The following CLEC4A variants were observed in gnomAD, a reference collection of about 807,000 sequenced individuals.
CLEC4A encodes C-type lectin domain family 4 member A, also known as C-type (calcium dependent, carbohydrate-recognition domain) lectin, superfamily member 6.
In CLEC4A, 27 loss-of-function variants were observed where a neutral mutation model predicts 32.7. That is an observed-to-expected ratio of 0.83 (90% CI 0.61 to 1.14). The LOEUF (loss-of-function observed/expected upper bound fraction) is 1.14. Among genes scored for constraint, CLEC4A ranks in the 50% most tolerant of loss-of-function variants. The probability of loss-of-function intolerance (pLI) is 0.00; values close to 1 mark genes in which losing one functional copy is unlikely to be tolerated. For synonymous variants in CLEC4A, 89 were observed against 93.7 expected (o/e 0.95, Z 0.29); for missense variants, 253 against 274.6 (o/e 0.92, Z 0.55).
the CLEC4A span, among the ~76,000 whole-genome samples, chr12:8,110,240 T>G: frequency 6.6e-6 from 1 of 151,986 alleles, no homozygotes; most frequent in Non-Finnish European, 1.5e-5. Context: ...ATTCTTACCC[T>G]CTGGGGTGAA....
the CLEC4A span, among the ~76,000 whole-genome samples, chr12:8,108,970 T>C: frequency 6.6e-6 from 1 of 152,250 alleles, no homozygotes; most frequent in African/African-American, 2.4e-5. Context: ...CAGTGCTGCA[T>C]CTGGCTGCAT....
chr12:8,126,148 T>C (rs1024329149), intron 2 of CLEC4A, among the ~76,000 whole-genome samples: 55 of 152,328 alleles, frequency 3.6e-4, no homozygotes, highest in African/African-American at 1.0e-3. Context: ...TGCTCAAGAC[T>C]GTGTGGGATC....
At chr12:8,135,503 C>A in intron 3 of CLEC4A, 82 bp from the exon 4 acceptor site, 1 of 1,455,944 alleles carries the variant, frequency 6.9e-7, no homozygotes. Context: ...TGTGCTCTCT[C>A]TTGGCTCTTA....
chr12:8,104,091 C>T, the CLEC4A span, among the ~76,000 whole-genome samples: 2 of 151,984 alleles, frequency 1.3e-5, no homozygotes, highest in Non-Finnish European at 2.9e-5. Flanking sequence ...GTATTTTACT[C>T]ATTTTCATTT....
Position 8,123,927 on chromosome 12 carries a change from A to C in CLEC4A, c.49A>C (p.Lys17Gln). ...YAEVRFKNEF[K>Q]SSGINTASSA... Reference sequence around the variant, plus strand: ...TGAAGTGAGGTTCAAAAATGAATTCAAGTCCTCAGGCATCAACACAGCCTC... The same window carrying C: ...TGAAGTGAGGTTCAAAAATGAATTCCAGTCCTCAGGCATCAACACAGCCTC... The change falls in exon 1 of 6, where the codon AAG becomes CAG. Residue 17 changes from lysine (K) to glutamine (Q), a missense_variant. By Grantham distance (53) the Lys-to-Gln change is moderately conservative. Coordinates refer to ENST00000229332, the MANE Select transcript of CLEC4A (RefSeq NM_016184.4). 6.2e-7 allele frequency: 1 copy of C among 1,613,168 alleles called. No homozygotes were observed. Among genetic ancestry groups the C allele is most frequent in the Non-Finnish European group, 8.5e-7 (1 of 1,179,082 alleles).
Position 8,134,599 on chromosome 12 carries a change from C to T in CLEC4A, c.299-986C>T, listed in dbSNP as rs750665005. On this transcript the variant is annotated intron_variant, in intron 3 of 5. Transcript: ENST00000229332. ...GAGGTCTCCAAGCCGTCTTGGGGCACTAGCCCCACTCCAGTCTGAGGCCCA... is the reference window on the plus strand; with the variant it reads ...GAGGTCTCCAAGCCGTCTTGGGGCATTAGCCCCACTCCAGTCTGAGGCCCA... The T allele has an allele frequency of 5.6e-6, 9 of 1,612,524 alleles. No homozygotes were observed. In the Admixed American group the frequency reaches 8.3e-5, roughly 15 times the overall value.
the CLEC4A span, among the ~76,000 whole-genome samples, chr12:8,115,887 C>G: frequency 7.2e-5 from 11 of 152,028 alleles, no homozygotes; most frequent in Admixed American, 5.2e-4. Flanking sequence ...CTCCTGGGCT[C>G]AAGTGATCCT....
At chr12:8,105,229 C>T in the CLEC4A span, among the ~76,000 whole-genome samples, 1 of 152,146 alleles carries the variant, frequency 6.6e-6, no homozygotes, top group Admixed American at 6.5e-5. Flanking sequence ...CCTGCAGCCT[C>T]ATCAACAGCT....
chr12:8,103,886 G>A, the CLEC4A span, among the ~76,000 whole-genome samples: 14 of 152,270 alleles, frequency 9.2e-5, 1 homozygote, highest in Admixed American at 9.2e-4. Flanking sequence ...AAGGGGTGGG[G>A]AGTGTTGCTG....
the CLEC4A span, among the ~76,000 whole-genome samples, chr12:8,115,851 C>T: frequency 6.6e-6 from 1 of 151,954 alleles, no homozygotes; most frequent in South Asian, 2.1e-4. Flanking sequence ...TGCAGTGACA[C>T]GATCACAACT....
chr12:8,105,498 T>C, the CLEC4A span, among the ~76,000 whole-genome samples: 2 of 152,152 alleles, frequency 1.3e-5, no homozygotes, highest in East Asian at 3.9e-4. Context: ...TACAGGTGTG[T>C]GCCACCACGG....
intron 3 of CLEC4A, chr12:8,133,902 G>A: frequency 2.5e-6 from 4 of 1,598,188 alleles, no homozygotes; most frequent in Non-Finnish European, 3.4e-6. Flanking sequence ...CCAAAATGGG[G>A]CCCTGGGGCC....
chr12:8,118,408 A>C, the CLEC4A span, among the ~76,000 whole-genome samples: 1 of 138,700 alleles, frequency 7.2e-6, no homozygotes, highest in African/African-American at 2.5e-5. Flanking sequence ...AAAAAAAAAA[A>C]ACCTGAGACT....
the CLEC4A span, among the ~76,000 whole-genome samples, chr12:8,113,999 A>G: frequency 8.5e-5 from 13 of 152,128 alleles, no homozygotes; most frequent in African/African-American, 3.1e-4. Flanking sequence ...GGGCATTCGT[A>G]CTTGTAATGT....
chr12:8,110,027 A>G, the CLEC4A span, among the ~76,000 whole-genome samples: 1 of 152,194 alleles, frequency 6.6e-6, no homozygotes, highest in African/African-American at 2.4e-5. Context: ...TTAAATTCTT[A>G]TTCTGTCTTT....
In CLEC4A at chr12:8,136,812, G is replaced by T. The variant is rs1468752685; in HGVS notation, c.475G>T (p.Glu159Ter). The T allele has an allele frequency of 6.2e-7, 1 of 1,612,838 alleles. No homozygotes were observed. Among genetic ancestry groups the T allele is most frequent in the Non-Finnish European group, 8.5e-7 (1 of 1,179,120 alleles). Residue 159 changes from glutamate (E) to a stop codon, truncating the protein, a stop_gained, in exon 5 of 6, where the codon GAA (glutamate) becomes TAA (stop). Coordinates refer to ENST00000229332, the MANE Select transcript of CLEC4A (RefSeq NM_016184.4). LOFTEE classifies it high-confidence loss of function. ...GGATTTCATCTTCCAGAATCTGCAAGAAGAATCTGCTTATTTTGTGGGGCT... is the reference window on the plus strand; with the variant it reads ...GGATTTCATCTTCCAGAATCTGCAATAAGAATCTGCTTATTTTGTGGGGCT... The part of the protein sequence containing the change: ...EQDFIFQNLQ[E>*]ESAYFVGLSD...
chr12:8,114,402 G>A, the CLEC4A span, among the ~76,000 whole-genome samples: 2 of 151,944 alleles, frequency 1.3e-5, no homozygotes, highest in South Asian at 2.1e-4. Flanking sequence ...CCGCCACCAC[G>A]CCCGGCTAAT....
intron 2 of CLEC4A, among the ~76,000 whole-genome samples, chr12:8,128,756 C>T (rs1407900850): frequency 1.3e-5 from 2 of 152,186 alleles, no homozygotes; most frequent in East Asian, 1.9e-4. Context: ...AACATGAGAG[C>T]GTTGGTGTGC....
chr12:8,133,366 G>A (rs1948034833), intron 3 of CLEC4A, among the ~76,000 whole-genome samples: 1 of 152,122 alleles, frequency 6.6e-6, no homozygotes, highest in African/African-American at 2.4e-5. Context: ...TGTCTAGTTT[G>A]TTTCTGTTGC....
Sources: gnomAD v4.1 joint callset for allele counts (sites outside exome capture counted in the v4.1 genomes callset) on GRCh38, gnomAD v4.1.1 for gene constraint, MANE v1.5 for transcripts, NCBI Gene and HGNC (gene_info 2026-07-23, HGNC 2026-07-21) for gene names.